NELFE: variants seen among roughly 807,000 people sequenced by gnomAD.
NELFE encodes the protein negative elongation factor complex member E, also known as negative elongation factor E.
Under a neutral mutation model 55.5 loss-of-function variants are expected in NELFE, and 26 were observed. That is an observed-to-expected ratio of 0.47 (90% CI 0.34 to 0.65). The LOEUF (loss-of-function observed/expected upper bound fraction) is 0.65. NELFE is among the 30% of genes least tolerant of loss of function. The pLI is 0.01. For synonymous variants in NELFE, 162 were observed against 178.0 expected, an observed-to-expected ratio of 0.91 and a Z score of 0.72; for missense variants, 403 against 506.9, an observed-to-expected ratio of 0.80 and a Z score of 1.97.
intron 2 of NELFE, 22 bp from the exon 3 acceptor site, chr6:31,957,032 G>C (rs1313667727): frequency 1.9e-6 from 3 of 1,584,866 alleles, no homozygotes; most frequent in Non-Finnish European, 8.6e-7. Context: ...GGTGAGAAGA[G>C]AGAGGTAAGT....
intron 9 of NELFE, 90 bp downstream of exon 9, chr6:31,953,990 G>A: frequency 1.4e-6 from 2 of 1,463,484 alleles, no homozygotes; most frequent in Non-Finnish European, 1.9e-6. Context: ...TTATCAAGAG[G>A]AACCAACTTC....
chr6:31,954,128 G>A lies in NELFE; in HGVS notation c.894C>T (p.Ala298=). 1.2e-6 allele frequency: 2 copies of A among 1,614,028 alleles called. No homozygotes were observed. The highest frequency in any genetic ancestry group is 1.7e-6 in the Non-Finnish European group (2 of 1,180,004). The part of the protein sequence containing the change: ...DLSMDPPRNC[A]FVTYEKMESA... Reference sequence around the variant, plus strand: ...ACTCCATCTTTTCATAGGTGACGAAGGCACAGCTGGGATAAGAGAAAACAC... The same window carrying A: ...ACTCCATCTTTTCATAGGTGACGAAAGCACAGCTGGGATAAGAGAAAACAC... The change falls in exon 9 of 11, where the codon GCC becomes GCT. Residue 298 remains alanine (A), a synonymous_variant. Coordinates refer to ENST00000375429, the MANE Select transcript of NELFE (RefSeq NM_002904.6). This position sits in a 1 kb window ranked among gnomAD's most constrained non-coding sequence, Gnocchi z 5.5.
intron 2 of NELFE, 25 bp from the exon 3 acceptor site, chr6:31,957,035 A>C (rs753435255): frequency 6.3e-7 from 1 of 1,579,674 alleles, no homozygotes; most frequent in African/African-American, 1.3e-5. Flanking sequence ...GAGAAGAGAG[A>C]GGTAAGTGAG....
chr6:31,954,268 C>T lies in NELFE; in HGVS notation c.887+30G>A, dbSNP rs1425505962. The T allele has an allele frequency of 1.2e-6, 2 of 1,608,888 alleles. No individual in the cohort carries two copies. The highest frequency in any genetic ancestry group is 2.2e-5 in the East Asian group (1 of 44,832). On this transcript the variant is annotated intron_variant, in intron 8 of 10. Coordinates refer to ENST00000375429, the MANE Select transcript of NELFE (RefSeq NM_002904.6). The surrounding 1 kb of genome is among the most constrained non-coding windows in gnomAD (Gnocchi z 5.5). Reference sequence around the variant, plus strand: ...CTCACACCCCAGGATTCTCCCAGGACTTCTCATCATGCCCTGTTGTCATCC... The same window carrying T: ...CTCACACCCCAGGATTCTCCCAGGATTTCTCATCATGCCCTGTTGTCATCC...
At chr6:31,953,908 C>T in intron 9 of NELFE, 77 bp from the exon 10 acceptor site, 1 of 1,404,900 alleles carries the variant, frequency 7.1e-7, no homozygotes, top group South Asian at 1.2e-5. Context: ...CCAGGAGTTG[C>T]TATCCTAGGA....
Position 31,955,278 on chromosome 6 carries a change from G to T in NELFE, c.307C>A (p.Pro103Thr), listed in dbSNP as rs1325170880. 6.3e-7 allele frequency: 1 copy of T among 1,586,962 alleles called. No individual in the cohort carries two copies. The highest frequency in any genetic ancestry group is 8.6e-7 in the Non-Finnish European group (1 of 1,167,958). Residue 103 changes from proline to threonine, a missense_variant, in exon 5 of 11, where the codon CCA becomes ACA. Physicochemically the swap from Pro to Thr is conservative, Grantham distance 38. Coordinates refer to ENST00000375429, the MANE Select transcript of NELFE (RefSeq NM_002904.6). ...TGGAACGGCTGGAAAGTGGGGACTG[G>T]TCCCTTCTCGGGGTCCTGGAGTGGT... Reference protein sequence around the residue: ...EGKLKDPEKGPVPTFQPFQRS... With the variant: ...EGKLKDPEKGTVPTFQPFQRS...
chr6:31,952,255 G>A lies in NELFE; in HGVS notation c.*46C>T. 2.0e-6 allele frequency: 3 copies of A among 1,522,614 alleles called. No homozygotes were observed. Among genetic ancestry groups the A allele is most frequent in the Non-Finnish European group, 2.7e-6 (3 of 1,101,274 alleles). The allele number at this position is 1,522,614 out of a possible 1,614,324, so 94.3% of individuals were successfully genotyped here. A position where few individuals can be genotyped will look rare whatever the true frequency, so the allele number is the denominator to read the frequency against. On this transcript the variant is annotated 3_prime_UTR_variant, in exon 11 of 11. Transcript: ENST00000375429. ...AGCTTCCACCTCAGTGTTTTACTGA[G>A]ACCAGCATTGGGGCATATGAGGCAC...
intron 1 of NELFE, chr6:31,958,656 C>A: frequency 1.4e-6 from 1 of 703,970 alleles, no homozygotes; most frequent in Non-Finnish European, 2.6e-6. Flanking sequence ...CTCCAGGGAT[C>A]ACAGACACCA....
At chr6:31,952,517 G>T in intron 10 of NELFE, 119 bp from the exon 11 acceptor site, 1 of 661,190 alleles carries the variant, frequency 1.5e-6, no homozygotes, top group Non-Finnish European at 2.5e-6. Flanking sequence ...TTTCCACGCT[G>T]CCCTCTGGTG....
In NELFE at chr6:31,954,857, C is replaced by T; in HGVS notation, c.440G>A (p.Gly147Glu). Residue 147 changes from glycine (G) to glutamate (E), a missense_variant, in exon 7 of 11, where the codon GGA (glycine) becomes GAA (glutamate). Transcript: ENST00000375429. The surrounding 1 kb of genome is among the most constrained non-coding windows in gnomAD (Gnocchi z 5.5). ...GCCCTCTGCCTCTTCTCCATCTGGT[C>T]CTAGTTCTCGAAGTCGATCACTAGA... is the stretch of plus-strand genomic sequence containing the variant. ...VSSSDRLREL[G>E]PDGEEAEGPG... The T allele has an allele frequency of 1.3e-6, 2 of 1,570,974 alleles. No homozygotes were observed. The highest frequency in any genetic ancestry group is 2.4e-5 in the South Asian group (2 of 84,668).
chr6:31,958,463 G>A lies in NELFE; in HGVS notation c.-8-9C>T, dbSNP rs1399605305. On this transcript the variant is annotated splice_polypyrimidine_tract_variant and intron_variant, in intron 1 of 10. Transcript: ENST00000375429. ...CACCAACATGGTGGCTCCTAGTTCA[G>A]GGGCAGGGCCCAAGACATCTTTCTC... is the stretch of plus-strand genomic sequence containing the variant. The A allele has an allele frequency of 2.5e-6, 4 of 1,611,534 alleles. No individual in the cohort carries two copies. The highest frequency in any genetic ancestry group is 3.4e-6 in the Non-Finnish European group (4 of 1,178,782).
intron 5 of NELFE, 34 bp from the exon 6 acceptor site, chr6:31,955,130 T>A: frequency 1.2e-6 from 2 of 1,612,942 alleles, no homozygotes; most frequent in Non-Finnish European, 1.7e-6. Flanking sequence ...TAAGATGATT[T>A]CCAGTTGCTG....
Position 31,955,074 on chromosome 6 carries a change from T to C in NELFE, c.389A>G (p.Lys130Arg), listed in dbSNP as rs1771997817. 2 of 1,613,134 alleles carry C rather than the reference T, an allele frequency of 1.2e-6. No individual in the cohort carries two copies. The highest frequency in any genetic ancestry group is 1.7e-6 in the Non-Finnish European group (2 of 1,180,028). Residue 130 changes from lysine (K) to arginine (R), a missense_variant, in exon 6 of 11, where the codon AAA becomes AGA. This residue lies in a region of NELFE where 229 missense variants were observed against 228.3 expected (regional missense o/e 1.00). Transcript: ENST00000375429. ...LQESSRRPQR[K>R]SLYESFVSSS... ...ACTCTCTAACCTCTCATACAGAGAT[T>C]TCCTCTGGGGACGTCTGGATGACTG...
At chr6:31,957,724 T>C (rs1772176849) in intron 2 of NELFE, among the ~76,000 whole-genome samples, 1 of 152,202 alleles carries the variant, frequency 6.6e-6, no homozygotes, top group African/African-American at 2.4e-5. Context: ...ATAGACAATG[T>C]GAAGCCATTT....
rs933588262 is a variant in NELFE at position 31,956,684 on chromosome 6, T to G, written c.291+9A>C. 1.1e-5 allele frequency: 18 copies of G among 1,591,238 alleles called. No homozygotes were observed. The highest frequency in any genetic ancestry group is 1.5e-5 in the Non-Finnish European group (18 of 1,163,286). ...ATGCCCTTTAAACAATCTTTCTGCT[T>G]GTGCTCACCTTTAACTTCCCCTCAA... On this transcript the variant is annotated intron_variant, in intron 4 of 10. Coordinates refer to ENST00000375429, the MANE Select transcript of NELFE (RefSeq NM_002904.6).
chr6:31,953,465 T>A (rs951607548), intron 10 of NELFE, among the ~76,000 whole-genome samples: 3 of 152,194 alleles, frequency 2.0e-5, no homozygotes, highest in African/African-American at 7.2e-5. Flanking sequence ...ACAAGCCCCA[T>A]GAGACACTCA....
chr6:31,955,058 CCT>C lies in NELFE; in HGVS notation c.403_404del (p.Ser135LeufsTer5). The C allele has an allele frequency of 6.2e-7, 1 of 1,613,188 alleles. No homozygotes were observed. The highest frequency in any genetic ancestry group is 8.5e-7 in the Non-Finnish European group (1 of 1,180,030). On this transcript the variant is annotated frameshift_variant and splice_region_variant, in exon 6 of 11. Transcript: ENST00000375429. LOFTEE classifies it high-confidence loss of function. ...RRPQRKSLYESFVSSSDRLRE... is the reference protein window; with the variant it reads ...RRPQRKSLYEXFVSSSDRLRE... ...GCCCAGCCTTATCTCTACTCTCTAA[CCT>C]CTCATACAGAGATTTCCTCTGGGGA...
rs1456696327 is a variant in NELFE at position 31,952,291 on chromosome 6, GCT to G, written c.*8_*9del. 6.2e-7 allele frequency: 1 copy of G among 1,607,766 alleles called. No homozygotes were observed. The highest frequency in any genetic ancestry group is 8.5e-7 in the Non-Finnish European group (1 of 1,174,702). ...GGGCATATGAGGCACAAGGAATCCA[GCT>G]CTGTTCCCTAGAAGCCATCCACAAG... On this transcript the variant is annotated 3_prime_UTR_variant, in exon 11 of 11. Coordinates refer to ENST00000375429, the MANE Select transcript of NELFE (RefSeq NM_002904.6).
At chr6:31,953,196 A>G (rs978700846) in intron 10 of NELFE, among the ~76,000 whole-genome samples, 2 of 152,162 alleles carry the variant, frequency 1.3e-5, no homozygotes, top group South Asian at 4.1e-4. Flanking sequence ...TTAGCCTAAC[A>G]TGTCAGGACA....
Sources: allele counts gnomAD v4.1 joint callset (sites outside exome capture counted in the v4.1 genomes callset), GRCh38; gene constraint gnomAD v4.1.1; regional missense constraint gnomAD v4.1.1; non-coding constraint Gnocchi (gnomAD v3.1); transcripts MANE v1.5; gene names NCBI Gene and HGNC (gene_info 2026-07-23, HGNC 2026-07-21).